LEUTX: variants seen among roughly 807,000 people sequenced by gnomAD.
LEUTX encodes the protein leucine twenty homeobox.
LEUTX carries 5 observed loss-of-function variants against 4.5 expected under a neutral mutation model. The observed-to-expected ratio is 1.11, with a 90% CI of 0.58 to 2.34. The LOEUF is 2.34. Ranked by LOEUF, LEUTX falls within the 30% of genes most tolerant of loss-of-function variation. The probability of loss-of-function intolerance (pLI) is 0.01; values close to 1 mark genes in which losing one functional copy is unlikely to be tolerated. For synonymous variants in LEUTX, 89 were observed against 85.1 expected, an observed-to-expected ratio of 1.05 and a Z score of -0.25; for missense variants, 233 against 239.4, an observed-to-expected ratio of 0.97 and a Z score of 0.18.
intron 1 of LEUTX, 42 bp from the exon 2 acceptor site, chr19:39,784,485 C>T (rs1249573707): frequency 1.2e-5 from 9 of 734,870 alleles, no homozygotes; most frequent in Middle Eastern, 2.4e-4. Context: ...CATTTCCTTC[C>T]GAATTTTTTT....
chr19:39,786,072 C>A lies in LEUTX; in HGVS notation c.534C>A (p.Ser178Arg). The A allele has an allele frequency of 6.5e-7, 1 of 1,550,032 alleles. No homozygotes were observed. The highest frequency in any genetic ancestry group is 1.4e-5 in the African/African-American group (1 of 72,994). ...IYDLPGEDDT[S>R]SLNQYLFPVC... ...ACTTGCCAGGGGAAGATGACACCAGCAGCCTAAATCAATATCTTTTTCCAG... is the reference window on the plus strand; with the variant it reads ...ACTTGCCAGGGGAAGATGACACCAGAAGCCTAAATCAATATCTTTTTCCAG... The change falls in exon 3 of 3, where the codon AGC becomes AGA. Residue 178 changes from serine to arginine, a missense_variant. Physicochemically the swap from Ser to Arg is moderately radical, Grantham distance 110. Coordinates refer to ENST00000638280, the MANE Select transcript of LEUTX (RefSeq NM_001382345.1).
rs2144962024 is a variant in LEUTX, at chr19:39,786,216, C to T, written c.*81C>T. On this transcript the variant is annotated 3_prime_UTR_variant, in exon 3 of 3. Transcript: ENST00000638280. ...CCACACATCTTTAATGGTTTGACCC[C>T]AGTCTAAGTAGATCAGGGGCTGGGA... is the stretch of plus-strand genomic sequence containing the variant. The T allele has an allele frequency of 9.3e-7, 1 of 1,074,522 alleles. No individual in the cohort carries two copies. Among genetic ancestry groups the T allele is most frequent in the East Asian group, 2.7e-5 (1 of 37,406 alleles). 66.6% of individuals were successfully genotyped at this position (1,074,522 alleles called of 1,614,324 possible). A position where few individuals can be genotyped will look rare whatever the true frequency, so the allele number is the denominator to read the frequency against.
At position 39,786,150 on chromosome 19, in the gene LEUTX, C is replaced by G; in HGVS notation, c.*15C>G. The G allele has an allele frequency of 6.7e-7, 1 of 1,493,534 alleles. No individual in the cohort carries two copies. The allele number at this position is 1,493,534 out of a possible 1,614,324, so 92.5% of individuals were successfully genotyped here. On this transcript the variant is annotated 3_prime_UTR_variant, in exon 3 of 3. Transcript: ENST00000638280. ...CTTCAGTGTAACTTCTTACACATCA[C>G]TTCTAGGGGAGGTCTGGATCTGACC...
chr19:39,783,437 A>C (rs773827343), intron 1 of LEUTX, among the ~76,000 whole-genome samples: 63 of 150,704 alleles, frequency 4.2e-4, no homozygotes, highest in Non-Finnish European at 7.4e-5. Flanking sequence ...ACATTTTTAC[A>C]ATTGCGAATT....
intron 1 of LEUTX, 47 bp from the exon 2 acceptor site, chr19:39,784,480 C>T: frequency 1.4e-6 from 1 of 719,990 alleles, no homozygotes; most frequent in Non-Finnish European, 2.5e-6. Context: ...CTCCTCATTT[C>T]CTTCCGAATT....
chr19:39,780,226 C>A (rs1967866048), intron 1 of LEUTX, among the ~76,000 whole-genome samples: 1 of 152,096 alleles, frequency 6.6e-6, no homozygotes, highest in Non-Finnish European at 1.5e-5. Context: ...ACATATTGAC[C>A]TCTCAGCTTG....
At chr19:39,778,289 C>T (rs549562272), upstream of LEUTX, among the ~76,000 whole-genome samples, 48 of 152,350 alleles carry the variant, frequency 3.2e-4, no homozygotes, top group African/African-American at 1.0e-3. Context: ...GGCTCCCCAG[C>T]TGCCCCCAAA....
intron 2 of LEUTX, among the ~76,000 whole-genome samples, chr19:39,785,457 CT>C (rs1179416371): frequency 1.6e-4 from 25 of 151,678 alleles, no homozygotes; most frequent in Admixed American, 1.2e-3. Flanking sequence ...AAATACACCA[CT>C]AATAAAAACA....
chr19:39,784,783 T>A, intron 2 of LEUTX, 105 bp downstream of exon 2: 1 of 790,950 alleles, frequency 1.3e-6, no homozygotes. Flanking sequence ...TTGCTATGTG[T>A]AAGGACAGAT....
At chr19:39,778,390 T>C (rs1392348461), upstream of LEUTX, among the ~76,000 whole-genome samples, 2 of 151,966 alleles carry the variant, frequency 1.3e-5, no homozygotes, top group East Asian at 1.9e-4. Context: ...CTGGAAGAGG[T>C]TGAACCGAGA....
chr19:39,781,390 A>G (rs970203440), intron 1 of LEUTX, among the ~76,000 whole-genome samples: 2 of 152,208 alleles, frequency 1.3e-5, no homozygotes, highest in African/African-American at 4.8e-5. Flanking sequence ...TCTTATTTAT[A>G]TTCTAAACCA....
upstream of LEUTX, among the ~76,000 whole-genome samples, chr19:39,778,514 C>CA (rs138709722): frequency 0.018 from 2,693 of 152,256 alleles, 83 homozygotes; most frequent in African/African-American, 0.059. Flanking sequence ...CTTCACCTTC[C>CA]AGTTTGAATC....
In LEUTX at chr19:39,785,694, T is replaced by A. The variant is rs1447185141; in HGVS notation, c.160-4T>A. 1.3e-6 allele frequency: 2 copies of A among 1,551,156 alleles called. No individual in the cohort carries two copies. The highest frequency in any genetic ancestry group is 4.9e-5 in the East Asian group (2 of 40,914). On this transcript the variant is annotated splice_region_variant and splice_polypyrimidine_tract_variant and intron_variant, in intron 2 of 2. Transcript: ENST00000638280. ...TATTAACCTCCCCCCTCCTCCCTCC[T>A]TAGATCTGGTTCAAGAACCAGCGTG...
chr19:39,784,585 A>T lies in LEUTX; in HGVS notation c.66A>T (p.Ala22=). The change falls in exon 2 of 3, where the codon GCA becomes GCT. Residue 22 remains alanine (A), a synonymous_variant. Coordinates refer to ENST00000638280, the MANE Select transcript of LEUTX (RefSeq NM_001382345.1). ...GATTTCTCTCCAAACAACTCACAGC[A>T]TTGAGAGAATTGCTTGAAAAGACCA... ...RTRFLSKQLT[A]LRELLEKTMH... is the part of the protein sequence containing the mutation. The T allele has an allele frequency of 1.3e-6, 2 of 1,523,012 alleles. No individual in the cohort carries two copies. The highest frequency in any genetic ancestry group is 1.8e-6 in the Non-Finnish European group (2 of 1,120,928). The allele number at this position is 1,523,012 out of a possible 1,614,324, so 94.3% of individuals were successfully genotyped here.
chr19:39,782,616 A>C (rs958506702), intron 1 of LEUTX, among the ~76,000 whole-genome samples: 1 of 152,154 alleles, frequency 6.6e-6, no homozygotes, highest in African/African-American at 2.4e-5. Flanking sequence ...GCCCAATGTC[A>C]TGGAGAGGTT....
chr19:39,778,182 C>A (rs902975068), upstream of LEUTX, among the ~76,000 whole-genome samples: 3 of 152,132 alleles, frequency 2.0e-5, no homozygotes, highest in Non-Finnish European at 4.4e-5. Flanking sequence ...AAATGAGTAA[C>A]AGAGGGACAG....
At chr19:39,783,624 TG>T (rs1967920190) in intron 1 of LEUTX, among the ~76,000 whole-genome samples, 1 of 152,040 alleles carries the variant, frequency 6.6e-6, no homozygotes. Context: ...CCACCAGCAG[TG>T]TAGAAGTGTT....
In LEUTX at chr19:39,786,083, A is replaced by G. The variant is rs1967968938; in HGVS notation, c.545A>G (p.Gln182Arg). The G allele has an allele frequency of 3.2e-6, 5 of 1,548,902 alleles. No individual in the cohort carries two copies. Among genetic ancestry groups the G allele is most frequent in the Non-Finnish European group, 4.4e-6 (5 of 1,145,986 alleles). Residue 182 changes from glutamine (Q) to arginine (R), a missense_variant, in exon 3 of 3, where the codon CAA becomes CGA. Gln to Arg is a conservative substitution (Grantham distance 43). Coordinates refer to ENST00000638280, the MANE Select transcript of LEUTX (RefSeq NM_001382345.1). Reference sequence around the variant, plus strand: ...GAAGATGACACCAGCAGCCTAAATCAATATCTTTTTCCAGTATGCCTTGAG... The same window carrying G: ...GAAGATGACACCAGCAGCCTAAATCGATATCTTTTTCCAGTATGCCTTGAG... Reference protein sequence around the residue: ...PGEDDTSSLNQYLFPVCLEYD... With the variant: ...PGEDDTSSLNRYLFPVCLEYD...
At chr19:39,779,270 T>C (rs1308257147) in intron 1 of LEUTX, among the ~76,000 whole-genome samples, 1 of 152,192 alleles carries the variant, frequency 6.6e-6, no homozygotes, top group East Asian at 1.9e-4. Flanking sequence ...AAATTTTTTG[T>C]AGAGACAGGA....
Sources: allele counts gnomAD v4.1 joint callset (sites outside exome capture counted in the v4.1 genomes callset), GRCh38; gene constraint gnomAD v4.1.1; transcripts MANE v1.5; gene names NCBI Gene and HGNC (gene_info 2026-07-23, HGNC 2026-07-21).